ANKS6: variants seen among roughly 807,000 people sequenced by gnomAD.
ANKS6 encodes the protein ankyrin repeat and sterile alpha motif domain containing 6.
Under a neutral mutation model 77.9 loss-of-function variants are expected in ANKS6, and 47 were observed. The ratio of observed to expected loss-of-function variants is 0.60; its 90% CI spans 0.48 to 0.77. The LOEUF is 0.77. Among genes scored for constraint, ANKS6 ranks in the 30% least tolerant of loss-of-function variants. The pLI, the probability that ANKS6 is intolerant of heterozygous loss-of-function variation, is 0.00. For synonymous variants in ANKS6, 488 were observed against 501.7 expected (o/e 0.97, Z 0.37); for missense variants, 1,150 against 1,159.1 (o/e 0.99, Z 0.11).
intron 9 of ANKS6, among the ~76,000 whole-genome samples, chr9:98,771,276 C>T (rs534283286): frequency 6.6e-6 from 1 of 152,352 alleles, no homozygotes; most frequent in South Asian, 2.1e-4. Flanking sequence ...CATCATTTCC[C>T]ATGGGCCACC....
At chr9:98,758,836 G>T (rs1265763229) in intron 11 of ANKS6, among the ~76,000 whole-genome samples, 1 of 152,012 alleles carries the variant, frequency 6.6e-6, no homozygotes, top group Non-Finnish European at 1.5e-5. Flanking sequence ...CCCATATCCT[G>T]GTAAGGATAA....
At chr9:98,785,585 T>C (rs1455929876) in intron 2 of ANKS6, among the ~76,000 whole-genome samples, 4 of 152,136 alleles carry the variant, frequency 2.6e-5, no homozygotes, top group South Asian at 2.1e-4. Flanking sequence ...ATCCCACACC[T>C]TCCTCCAAGC....
chr9:98,769,074 T>C (rs7867317), intron 10 of ANKS6, among the ~76,000 whole-genome samples: 144,248 of 150,142 alleles, frequency 0.96, 69,508 homozygotes, highest in African/African-American at 0.99. Flanking sequence ...CTGCAGTGAG[T>C]GAAGATCGCA....
intron 14 of ANKS6, among the ~76,000 whole-genome samples, chr9:98,744,443 T>G (rs1031604838): frequency 9.9e-5 from 15 of 152,086 alleles, no homozygotes; most frequent in African/African-American, 3.6e-4. Flanking sequence ...CATGCTCCCC[T>G]CCCTAGACTG....
Position 98,734,471 on chromosome 9 carries a change from C to A in ANKS6, c.*2048G>T. On this transcript the variant is annotated 3_prime_UTR_variant, in exon 15 of 15. Coordinates refer to ENST00000353234, the MANE Select transcript of ANKS6 (RefSeq NM_173551.5). Reference sequence around the variant, plus strand: ...CCTCAAAGCACATAACGTCAGGGGCCATGAATTTCAGAGGCAAACAATTCT... The same window carrying A: ...CCTCAAAGCACATAACGTCAGGGGCAATGAATTTCAGAGGCAAACAATTCT... 1.0e-6 allele frequency: 1 copy of A among 985,414 alleles called. No homozygotes were observed. Among genetic ancestry groups the A allele is most frequent in the Non-Finnish European group, 1.2e-6 (1 of 829,936 alleles). 61.0% of individuals were successfully genotyped at this position (985,414 alleles called of 1,614,324 possible).
chr9:98,790,261 A>G lies in ANKS6; in HGVS notation c.705T>C (p.Thr235=). The G allele has an allele frequency of 6.2e-7, 1 of 1,605,202 alleles. No individual in the cohort carries two copies. The highest frequency in any genetic ancestry group is 8.5e-7 in the Non-Finnish European group (1 of 1,173,992). ...GWSPLMLAAL[T]GRLGVAQQLV... is the part of the protein sequence containing the mutation. The stretch of plus-strand genomic sequence containing the variant: ...GCTGCTGGGCCACTCCAAGCCGCCC[A>G]GTGAGTGCGGCCAGCATCAGCGGGC... The change falls in exon 2 of 15, where the codon ACT becomes ACC. Residue 235 remains threonine (T), a synonymous_variant. Coordinates refer to ENST00000353234, the MANE Select transcript of ANKS6 (RefSeq NM_173551.5).
intron 8 of ANKS6, among the ~76,000 whole-genome samples, chr9:98,774,585 C>A (rs938862782): frequency 6.6e-6 from 1 of 152,194 alleles, no homozygotes; most frequent in Non-Finnish European, 1.5e-5. Flanking sequence ...CCAGCATGAG[C>A]AGCCATTGGG....
chr9:98,739,758 ATTTT>A (rs749499336), intron 14 of ANKS6, among the ~76,000 whole-genome samples: 1 of 88,854 alleles, frequency 1.1e-5, no homozygotes, highest in Non-Finnish European at 2.1e-5. Flanking sequence ...TGGATTAAAC[ATTTT>A]TTTTTTTTTT....
Position 98,733,302 on chromosome 9 carries a change from G to T in ANKS6, c.*3217C>A. The T allele has an allele frequency of 1.0e-6, 1 of 985,536 alleles. No homozygotes were observed. Among genetic ancestry groups the T allele is most frequent in the Non-Finnish European group, 1.2e-6 (1 of 829,998 alleles). 61.0% of individuals were successfully genotyped at this position (985,536 alleles called of 1,614,324 possible). A position where few individuals can be genotyped will look rare whatever the true frequency, so the allele number is the denominator to read the frequency against. On this transcript the variant is annotated 3_prime_UTR_variant, in exon 15 of 15. Coordinates refer to ENST00000353234, the MANE Select transcript of ANKS6 (RefSeq NM_173551.5). Reference sequence around the variant, plus strand: ...AGGCAGGAGCCCTCCGTGGCCAGCAGGGACTTGGACATCCAGCACTCACGA... The same window carrying T: ...AGGCAGGAGCCCTCCGTGGCCAGCATGGACTTGGACATCCAGCACTCACGA...
At chr9:98,782,971 C>T (rs1179634821) in intron 4 of ANKS6, among the ~76,000 whole-genome samples, 1 of 152,054 alleles carries the variant, frequency 6.6e-6, no homozygotes, top group African/African-American at 2.4e-5. Context: ...TCTGTAGTTC[C>T]AGCTACTTGA....
chr9:98,782,387 T>G, intron 5 of ANKS6, 80 bp downstream of exon 5: 1 of 1,300,220 alleles, frequency 7.7e-7, no homozygotes, highest in South Asian at 1.2e-5. Flanking sequence ...AAAACACAAG[T>G]CACAGAGGAG....
intron 1 of ANKS6, among the ~76,000 whole-genome samples, chr9:98,793,573 T>C (rs1835017349): frequency 6.6e-6 from 1 of 151,506 alleles, no homozygotes; most frequent in Non-Finnish European, 1.5e-5. Flanking sequence ...CAGGCTGGAG[T>C]GCAGTGGCGC....
chr9:98,743,593 C>A (rs1484823399), intron 14 of ANKS6, among the ~76,000 whole-genome samples: 1 of 152,200 alleles, frequency 6.6e-6, no homozygotes, highest in African/African-American at 2.4e-5. Flanking sequence ...TCTAAGCCAG[C>A]TCTCACAGCA....
At chr9:98,789,038 T>G (rs1303363982) in intron 2 of ANKS6, among the ~76,000 whole-genome samples, 2 of 150,918 alleles carry the variant, frequency 1.3e-5, no homozygotes, top group Non-Finnish European at 3.0e-5. Flanking sequence ...TGTATTTCTT[T>G]TTTTTTTTTT....
chr9:98,755,102 A>G (rs1832623402), intron 12 of ANKS6, among the ~76,000 whole-genome samples: 1 of 152,162 alleles, frequency 6.6e-6, no homozygotes, highest in Non-Finnish European at 1.5e-5. Flanking sequence ...GGATATCACA[A>G]AACAATAAAA....
At chr9:98,766,282 T>C (rs540345891) in intron 11 of ANKS6, among the ~76,000 whole-genome samples, 4 of 152,180 alleles carry the variant, frequency 2.6e-5, no homozygotes, top group Non-Finnish European at 4.4e-5. Context: ...TAATAGTTCA[T>C]ATAATAGAGA....
chr9:98,757,333 C>G (rs1448527770), intron 11 of ANKS6, among the ~76,000 whole-genome samples: 1 of 152,208 alleles, frequency 6.6e-6, no homozygotes, highest in Non-Finnish European at 1.5e-5. Context: ...TGGAGCTGTG[C>G]TGTATCTCTG....
At chr9:98,763,654 A>G (rs758230985) in intron 11 of ANKS6, among the ~76,000 whole-genome samples, 157 of 152,152 alleles carry the variant, frequency 1.0e-3, no homozygotes, top group Non-Finnish European at 2.0e-3. Context: ...TAAATTGAAA[A>G]CAGAAAAACA....
chr9:98,788,271 A>G (rs1564225424), intron 2 of ANKS6, among the ~76,000 whole-genome samples: 1 of 152,254 alleles, frequency 6.6e-6, no homozygotes, highest in Non-Finnish European at 1.5e-5. Context: ...GAACGCATGC[A>G]CAACAGAAGA....
Sources: gnomAD v4.1 joint callset for allele counts (sites outside exome capture counted in the v4.1 genomes callset) on GRCh38, gnomAD v4.1.1 for gene constraint, MANE v1.5 for transcripts, NCBI Gene and HGNC (gene_info 2026-07-23, HGNC 2026-07-21) for gene names.